The following FMN2 variants were observed in gnomAD, a reference collection of about 807,000 sequenced individuals.
FMN2 encodes the protein formin-2.
In FMN2, 51 loss-of-function variants were observed where a neutral mutation model predicts 142.3. That is an observed-to-expected ratio of 0.36 (90% CI 0.29 to 0.45). The LOEUF (loss-of-function observed/expected upper bound fraction) is 0.45, where lower values mean the gene tolerates loss of function less well. FMN2 is among the 20% of genes least tolerant of loss of function. FMN2 has a pLI of 1.00. For synonymous variants in FMN2, 882 were observed against 869.8 expected, an observed-to-expected ratio of 1.01 and a Z score of -0.25; for missense variants, 1,936 against 2,122.8, an observed-to-expected ratio of 0.91 and a Z score of 1.73.
intron 4 of FMN2, among the ~76,000 whole-genome samples, chr1:240,202,826 T>C (rs924545781): frequency 1.3e-5 from 2 of 152,176 alleles, no homozygotes; most frequent in African/African-American, 4.8e-5. Context: ...TTTTATGCTA[T>C]TTTCATTATA....
In FMN2 at chr1:240,220,928, T is replaced by C. The variant is rs1269881732; in HGVS notation, c.4065+9693T>C. ...TTCTGCTCCATGTGTCCATGTGTTC[T>C]CATTGTTCAACTCTCACTTATGAGT... On this transcript the variant is annotated intron_variant, in intron 6 of 17. Transcript: ENST00000319653. 2.0e-5 allele frequency among the ~76,000 whole-genome samples: 3 copies of C among 152,248 alleles called. No homozygotes were observed. In the East Asian group the frequency reaches 5.8e-4, roughly 30 times the overall value.
intron 14 of FMN2, among the ~76,000 whole-genome samples, chr1:240,366,840 C>T (rs533863480): frequency 6.6e-5 from 10 of 152,228 alleles, no homozygotes; most frequent in African/African-American, 9.6e-5. Context: ...CGTGAGCCAC[C>T]GCGCCCGGCC....
At chr1:240,212,930 TG>T (rs1399746903) in intron 6 of FMN2, among the ~76,000 whole-genome samples, 1 of 152,142 alleles carries the variant, frequency 6.6e-6, no homozygotes, top group East Asian at 1.9e-4. Context: ...GCACCCCTTT[TG>T]TTTTTTTGTG....
intron 2 of FMN2, among the ~76,000 whole-genome samples, chr1:240,168,741 A>T (rs1044656736): frequency 5.3e-5 from 8 of 152,224 alleles, no homozygotes; most frequent in African/African-American, 1.9e-4. Flanking sequence ...AAGATTAAAG[A>T]AAAGAAAAAA....
intron 4 of FMN2, among the ~76,000 whole-genome samples, chr1:240,192,770 G>T (rs115968351): frequency 8.6e-4 from 131 of 152,228 alleles, no homozygotes; most frequent in African/African-American, 2.9e-3. Context: ...TACCCTTAGG[G>T]CAGTGCTGAC....
chr1:240,397,036 G>T (rs939550760), intron 15 of FMN2, among the ~76,000 whole-genome samples: 4 of 152,324 alleles, frequency 2.6e-5, no homozygotes, highest in South Asian at 2.1e-4. Context: ...TCTCCAAACT[G>T]CTTTCCACAG....
chr1:240,123,487 G>A (rs1440665783), intron 2 of FMN2, 142 bp downstream of exon 2: 4 of 489,344 alleles, frequency 8.2e-6, no homozygotes, highest in East Asian at 3.7e-5. Flanking sequence ...TCAACAGCTC[G>A]GTATGTCTGT....
intron 13 of FMN2, among the ~76,000 whole-genome samples, chr1:240,352,614 A>G (rs1672131874): frequency 6.6e-6 from 1 of 152,062 alleles, no homozygotes; most frequent in African/African-American, 2.4e-5. Flanking sequence ...CTGCTCAGAG[A>G]CTTTTGGGAA....
chr1:240,456,736 G>A (rs12403061), intron 16 of FMN2, among the ~76,000 whole-genome samples: 4 of 152,006 alleles, frequency 2.6e-5, no homozygotes, highest in African/African-American at 9.7e-5. Context: ...AATCGTAGGC[G>A]TGAGCCACTG....
intron 2 of FMN2, among the ~76,000 whole-genome samples, chr1:240,172,232 A>G (rs1472678381): frequency 6.6e-6 from 1 of 152,170 alleles, no homozygotes; most frequent in Non-Finnish European, 1.5e-5. Flanking sequence ...AAAGACATTT[A>G]TGGATGGTTG....
rs992276406 is a variant in FMN2 at position 240,218,049 on chromosome 1, C to T, written c.4065+6814C>T. On this transcript the variant is annotated intron_variant, in intron 6 of 17. Transcript: ENST00000319653. Reference sequence around the variant, plus strand: ...CCTGTAATCCCAGCACTTTGGGAGGCCTAGGTGGGCGGATCACAAGGTCAA... The same window carrying T: ...CCTGTAATCCCAGCACTTTGGGAGGTCTAGGTGGGCGGATCACAAGGTCAA... 3.3e-5 allele frequency among the ~76,000 whole-genome samples: 5 copies of T among 151,926 alleles called. No homozygotes were observed. In the South Asian group the frequency reaches 1.0e-3, roughly 32 times the overall value.
intron 1 of FMN2, among the ~76,000 whole-genome samples, chr1:240,105,855 C>T (rs1558297690): frequency 6.6e-6 from 1 of 151,560 alleles, no homozygotes; most frequent in Non-Finnish European, 1.5e-5. Flanking sequence ...AAAGGTAGTG[C>T]TTTTTTTTAC....
chr1:240,136,226 A>G (rs1430625403), intron 2 of FMN2, among the ~76,000 whole-genome samples: 1 of 152,166 alleles, frequency 6.6e-6, no homozygotes, highest in Non-Finnish European at 1.5e-5. Flanking sequence ...ATCTTATTTC[A>G]GAGGGCAAAA....
chr1:240,094,514 C>T (rs566583091), intron 1 of FMN2, among the ~76,000 whole-genome samples: 1 of 152,240 alleles, frequency 6.6e-6, no homozygotes, highest in South Asian at 2.1e-4. Context: ...CCCAGGGCGG[C>T]ATAAAGCACA....
At chr1:240,444,839 C>A (rs1675751102) in intron 16 of FMN2, among the ~76,000 whole-genome samples, 1 of 152,080 alleles carries the variant, frequency 6.6e-6, no homozygotes, top group Non-Finnish European at 1.5e-5. Context: ...AAGGAAGAGA[C>A]CATTTTCAAA....
chr1:240,147,690 C>T (rs1206932116), intron 2 of FMN2, among the ~76,000 whole-genome samples: 1 of 152,112 alleles, frequency 6.6e-6, no homozygotes, highest in Non-Finnish European at 1.5e-5. Flanking sequence ...AATCTTGTTA[C>T]ACTTGGAGAT....
In FMN2 at chr1:240,474,301, A is replaced by C. The variant is rs1421991746; in HGVS notation, c.*147A>C. On this transcript the variant is annotated 3_prime_UTR_variant, in exon 18 of 18. Coordinates refer to ENST00000319653, the MANE Select transcript of FMN2 (RefSeq NM_020066.5). Reference sequence around the variant, plus strand: ...CTTTTTGTTTTCTAGACAGTTCACTAATTGTTGAATTTTACTGTATATTCA... The same window carrying C: ...CTTTTTGTTTTCTAGACAGTTCACTCATTGTTGAATTTTACTGTATATTCA... The C allele has an allele frequency of 1.7e-5, 12 of 694,608 alleles. No individual in the cohort carries two copies. The highest frequency in any genetic ancestry group is 2.5e-5 in the Non-Finnish European group (11 of 442,680). 43.0% of individuals were successfully genotyped at this position (694,608 alleles called of 1,614,324 possible).
chr1:240,138,789 C>T (rs2103248292), intron 2 of FMN2, among the ~76,000 whole-genome samples: 1 of 152,316 alleles, frequency 6.6e-6, no homozygotes, highest in East Asian at 1.9e-4. Context: ...GGGAGTTGCA[C>T]TAGTACAAGA....
intron 2 of FMN2, among the ~76,000 whole-genome samples, chr1:240,132,496 A>G (rs1662780455): frequency 2.0e-5 from 3 of 152,164 alleles, no homozygotes; most frequent in Admixed American, 6.5e-5. Flanking sequence ...AGACCAGTCC[A>G]TGGTGGAGAG....
Sources: gnomAD v4.1 joint callset for allele counts (sites outside exome capture counted in the v4.1 genomes callset) on GRCh38, gnomAD v4.1.1 for gene constraint, MANE v1.5 for transcripts, NCBI Gene and HGNC (gene_info 2026-07-23, HGNC 2026-07-21) for gene names.